Variants in PCDH15 observed in about 807,000 individuals in gnomAD.
PCDH15 encodes protocadherin-15.
In PCDH15, 129 loss-of-function variants were observed where a neutral mutation model predicts 178.5. The observed-to-expected ratio is 0.72, with a 90% CI of 0.63 to 0.84. PCDH15 has a LOEUF of 0.84. Among genes scored for constraint, PCDH15 ranks in the 40% least tolerant of loss-of-function variants. PCDH15 has a pLI of 0.00. For missense variants in PCDH15, 2,230 were observed against 2,099.9 expected, an observed-to-expected ratio of 1.06 and a Z score of -1.21; for synonymous variants, 800 against 732.0, an observed-to-expected ratio of 1.09 and a Z score of -1.50.
At chr10:54,375,990 G>T (rs893447061) in intron 4 of PCDH15, among the ~76,000 whole-genome samples, 22 of 151,364 alleles carry the variant, frequency 1.5e-4, no homozygotes, top group Non-Finnish European at 2.5e-4. Context: ...CGCCTCCTGG[G>T]ATCAAGTGAT....
intron 25 of PCDH15, among the ~76,000 whole-genome samples, chr10:53,911,829 G>A (rs535720955): frequency 2.0e-5 from 3 of 152,128 alleles, no homozygotes; most frequent in South Asian, 4.2e-4. Context: ...AACAAAGTCC[G>A]GGACCAGACA....
chr10:54,148,877 A>T (rs2044241325), intron 14 of PCDH15, among the ~76,000 whole-genome samples: 1 of 151,948 alleles, frequency 6.6e-6, no homozygotes, highest in Non-Finnish European at 1.5e-5. Context: ...TGGATTTTAC[A>T]AAAACATGTT....
At chr10:54,430,227 T>C (rs977122686) in intron 3 of PCDH15, among the ~76,000 whole-genome samples, 7 of 152,046 alleles carry the variant, frequency 4.6e-5, no homozygotes, top group African/African-American at 1.4e-4. Context: ...AACTAATTTT[T>C]GTATTTTTAG....
intron 2 of PCDH15, among the ~76,000 whole-genome samples, chr10:54,913,923 C>T (rs1466937702): frequency 6.6e-6 from 1 of 152,190 alleles, no homozygotes; most frequent in Non-Finnish European, 1.5e-5. Context: ...AGTGCCTGTA[C>T]CCCCACTGTA....
chr10:55,593,441 T>C (rs573514600), intron 2 of PCDH15, among the ~76,000 whole-genome samples: 2 of 151,960 alleles, frequency 1.3e-5, no homozygotes, highest in East Asian at 3.9e-4. Flanking sequence ...TCAATAAAAA[T>C]TAAAAGTCAC....
chr10:53,990,796 C>G (rs2091421398), intron 21 of PCDH15, among the ~76,000 whole-genome samples: 1 of 151,966 alleles, frequency 6.6e-6, no homozygotes, highest in Non-Finnish European at 1.5e-5. Flanking sequence ...CCCCTGCTTG[C>G]AGGGAGGTGT....
chr10:54,579,819 T>C (rs921755402), intron 2 of PCDH15, among the ~76,000 whole-genome samples: 2 of 151,972 alleles, frequency 1.3e-5, no homozygotes, highest in Non-Finnish European at 2.9e-5. Context: ...AAACCAATAC[T>C]AAGAACATCT....
chr10:54,175,393 G>A (rs1223693014), intron 13 of PCDH15, among the ~76,000 whole-genome samples: 1 of 152,110 alleles, frequency 6.6e-6, no homozygotes, highest in African/African-American at 2.4e-5. Context: ...CCTCCACAGA[G>A]CACTAAATAA....
intron 8 of PCDH15, among the ~76,000 whole-genome samples, chr10:54,301,287 C>A (rs951560081): frequency 2.5e-4 from 38 of 152,266 alleles, no homozygotes; most frequent in African/African-American, 8.9e-4. Flanking sequence ...CACATATTTA[C>A]AAGCTAGTTA....
chr10:55,336,024 T>G (rs1248025557), intron 2 of PCDH15, among the ~76,000 whole-genome samples: 1 of 150,818 alleles, frequency 6.6e-6, no homozygotes. Context: ...TATTGACATT[T>G]TGGCCCAGAT....
intron 2 of PCDH15, among the ~76,000 whole-genome samples, chr10:55,512,236 G>A (rs533496912): frequency 6.6e-6 from 1 of 152,124 alleles, no homozygotes; most frequent in African/African-American, 2.4e-5. Flanking sequence ...GTTAAACCCT[G>A]TTAGACTGGC....
At chr10:55,452,686 CAACCAACA>C (rs1011900072) in intron 2 of PCDH15, among the ~76,000 whole-genome samples, 11 of 151,984 alleles carry the variant, frequency 7.2e-5, no homozygotes, top group African/African-American at 2.2e-4. Context: ...CTGAACTAAA[CAACCAACA>C]AACCAACAAA....
rs116090049 is a variant in PCDH15, at chr10:54,148,180, G to T, written c.1784+4920C>A. Among the ~76,000 whole-genome samples, 1,024 of 151,986 alleles carry T rather than the reference G, an allele frequency of 6.7e-3. 13 individuals carry two copies. Among genetic ancestry groups the T allele is most frequent in the African/African-American group, 0.023 (970 of 41,494 alleles). On this transcript the variant is annotated intron_variant, in intron 14 of 37. Coordinates refer to ENST00000644397, the MANE Select transcript of PCDH15 (RefSeq NM_001384140.1). ...ACTCAAACCTTACTTGGCTCTTATT[G>T]TAGATTCTGTAACTACTCAATGTAT...
chr10:54,797,187 C>T (rs1242523563), intron 1 of PCDH15, among the ~76,000 whole-genome samples: 1 of 151,934 alleles, frequency 6.6e-6, no homozygotes, highest in Non-Finnish European at 1.5e-5. Flanking sequence ...TCTGCCATGG[C>T]CTGAGAATGC....
chr10:55,385,187 A>G (rs1054945055), intron 2 of PCDH15, among the ~76,000 whole-genome samples: 1 of 152,154 alleles, frequency 6.6e-6, no homozygotes, highest in East Asian at 1.9e-4. Flanking sequence ...ACAATGTCGT[A>G]TATGTAAAAC....
chr10:54,439,433 G>T (rs1465599315), intron 3 of PCDH15, among the ~76,000 whole-genome samples: 1 of 152,086 alleles, frequency 6.6e-6, no homozygotes, highest in Non-Finnish European at 1.5e-5. Context: ...AGGCGTAGTT[G>T]TCTGTTCCAT....
intron 15 of PCDH15, among the ~76,000 whole-genome samples, chr10:54,115,497 T>C (rs759968801): frequency 5.9e-5 from 9 of 152,222 alleles, no homozygotes; most frequent in Non-Finnish European, 1.3e-4. Context: ...ATTCAGAGAA[T>C]GCCTCATCTG....
At chr10:54,534,140 C>T (rs1009959243) in intron 2 of PCDH15, among the ~76,000 whole-genome samples, 1 of 152,022 alleles carries the variant, frequency 6.6e-6, no homozygotes, top group African/African-American at 2.4e-5. Context: ...TATTAGTATC[C>T]TTATTTTCAT....
intron 2 of PCDH15, among the ~76,000 whole-genome samples, chr10:55,147,785 T>C (rs1838570442): frequency 6.7e-6 from 1 of 150,272 alleles, no homozygotes. Flanking sequence ...TAGCATTAGG[T>C]ATATCTCCTC....
Sources: gnomAD v4.1 joint callset for allele counts (sites outside exome capture counted in the v4.1 genomes callset) on GRCh38, gnomAD v4.1.1 for gene constraint, MANE v1.5 for transcripts, NCBI Gene and HGNC (gene_info 2026-07-23, HGNC 2026-07-21) for gene names.